Variants in SLC12A8 observed in about 807,000 individuals in gnomAD.
SLC12A8 encodes the protein solute carrier family 12 member 8.
In SLC12A8, 69 loss-of-function variants were observed where a neutral mutation model predicts 75.6. That is an observed-to-expected ratio of 0.91 (90% CI 0.75 to 1.11). The LOEUF is 1.11. SLC12A8 is among the 50% of genes most tolerant of loss of function. The probability of loss-of-function intolerance (pLI) is 0.00; values close to 1 mark genes in which losing one functional copy is unlikely to be tolerated. For synonymous variants in SLC12A8, 365 were observed against 372.8 expected, an observed-to-expected ratio of 0.98 and a Z score of 0.24; for missense variants, 877 against 896.7, an observed-to-expected ratio of 0.98 and a Z score of 0.28.
chr3:125,088,691 A>T (rs1938519206), intron 12 of SLC12A8, among the ~76,000 whole-genome samples: 1 of 152,318 alleles, frequency 6.6e-6, no homozygotes, highest in South Asian at 2.1e-4. Context: ...AACTTTGATA[A>T]ATTTTTTAAG....
chr3:125,152,995 A>C (rs868478252), intron 5 of SLC12A8, among the ~76,000 whole-genome samples: 1 of 152,206 alleles, frequency 6.6e-6, no homozygotes, highest in Admixed American at 6.5e-5. Context: ...GTGTGTGTGC[A>C]GCCAGGCGCT....
intron 2 of SLC12A8, among the ~76,000 whole-genome samples, chr3:125,205,839 C>T (rs557784571): frequency 6.6e-6 from 1 of 152,290 alleles, no homozygotes; most frequent in Admixed American, 6.5e-5. Flanking sequence ...ATGGTATAAG[C>T]TTCATGCCCT....
chr3:125,168,833 C>T (rs1236976945), intron 5 of SLC12A8, among the ~76,000 whole-genome samples: 2 of 152,156 alleles, frequency 1.3e-5, no homozygotes, highest in African/African-American at 4.8e-5. Flanking sequence ...GTCCTCACAG[C>T]CAAGCACAAG....
intron 9 of SLC12A8, among the ~76,000 whole-genome samples, chr3:125,109,215 T>A (rs1362857595): frequency 6.6e-6 from 1 of 152,160 alleles, no homozygotes; most frequent in Admixed American, 6.5e-5. Flanking sequence ...CCAGGCTCCA[T>A]CCTCAGATCT....
intron 5 of SLC12A8, among the ~76,000 whole-genome samples, chr3:125,141,519 CCTG>C (rs1014242963): frequency 2.0e-5 from 3 of 152,238 alleles, no homozygotes; most frequent in African/African-American, 7.2e-5. Flanking sequence ...CTGGGTGGCA[CCTG>C]CGGTGCCCCC....
intron 8 of SLC12A8, among the ~76,000 whole-genome samples, chr3:125,112,931 A>G (rs1262706062): frequency 6.6e-6 from 1 of 152,240 alleles, no homozygotes; most frequent in Admixed American, 6.5e-5. Flanking sequence ...GGCACAACAC[A>G]TTGTAGCCAC....
intron 13 of SLC12A8, chr3:125,088,040 A>T (rs1479378334): frequency 2.2e-6 from 1 of 451,310 alleles, no homozygotes; most frequent in Non-Finnish European, 4.0e-6. Context: ...CCCAGCAACC[A>T]GATTCTAAAT....
intron 5 of SLC12A8, among the ~76,000 whole-genome samples, chr3:125,140,024 C>T (rs1933590509): frequency 6.6e-6 from 1 of 152,212 alleles, no homozygotes; most frequent in African/African-American, 2.4e-5. Flanking sequence ...GAGGCACCTA[C>T]AACTTCCCAA....
intron 2 of SLC12A8, among the ~76,000 whole-genome samples, chr3:125,202,714 T>C (rs2107803321): frequency 6.6e-6 from 1 of 151,592 alleles, no homozygotes; most frequent in South Asian, 2.1e-4. Flanking sequence ...ATGAAAAACC[T>C]CTACAATGAG....
intron 11 of SLC12A8, 63 bp from the exon 12 acceptor site, chr3:125,091,619 A>G: frequency 9.6e-7 from 1 of 1,040,284 alleles, no homozygotes; most frequent in East Asian, 2.4e-5. Flanking sequence ...AGCAAGCCAC[A>G]AGGCTAATGT....
chr3:125,132,844 C>T (rs1253135224), intron 6 of SLC12A8, among the ~76,000 whole-genome samples: 2 of 152,056 alleles, frequency 1.3e-5, no homozygotes, highest in African/African-American at 4.8e-5. Flanking sequence ...TTGAAGATCC[C>T]CAACATTGGA....
chr3:125,153,642 A>ATTTT (rs1933983995), intron 5 of SLC12A8, among the ~76,000 whole-genome samples: 1 of 151,792 alleles, frequency 6.6e-6, no homozygotes, highest in Admixed American at 6.6e-5. Flanking sequence ...TTATTTATTT[A>ATTTT]TTTATATATT....
chr3:125,174,602 GACAA>G (rs1267292535), intron 5 of SLC12A8, among the ~76,000 whole-genome samples: 8 of 152,176 alleles, frequency 5.3e-5, no homozygotes, highest in African/African-American at 1.9e-4. Flanking sequence ...TAGGTGAATG[GACAA>G]ACAGTGCTAC....
chr3:125,111,530 A>G (rs1939186632), intron 8 of SLC12A8, among the ~76,000 whole-genome samples: 1 of 152,214 alleles, frequency 6.6e-6, no homozygotes, highest in Non-Finnish European at 1.5e-5. Context: ...TTTAGGCACA[A>G]TGGCCAGAAC....
intron 5 of SLC12A8, among the ~76,000 whole-genome samples, chr3:125,164,432 T>C (rs574689858): frequency 1.3e-5 from 2 of 152,286 alleles, no homozygotes; most frequent in African/African-American, 4.8e-5. Context: ...TGACACAGAG[T>C]TGGTGCTCCT....
Position 125,146,121 on chromosome 3 carries a change from C to T in SLC12A8, c.623-10339G>A, listed in dbSNP as rs143718603. Among the ~76,000 whole-genome samples, 581 of 152,360 alleles carry T rather than the reference C, an allele frequency of 3.8e-3. 7 individuals are homozygous for T. The highest frequency in any genetic ancestry group is 0.013 in the African/African-American group (548 of 41,582). On this transcript the variant is annotated intron_variant, in intron 5 of 13. Coordinates refer to ENST00000469902, the MANE Select transcript of SLC12A8 (RefSeq NM_024628.6). ...CTGAGATTATAGGCATGAGCCACTG[C>T]GCCTGGCCCAAAATACCTTATTGTA...
intron 5 of SLC12A8, among the ~76,000 whole-genome samples, chr3:125,137,930 C>T (rs527422233): frequency 1.8e-4 from 26 of 146,940 alleles, no homozygotes; most frequent in Non-Finnish European, 3.3e-4. Flanking sequence ...CACGCTCACA[C>T]GCTCACGCTC....
rs1362282595 is a variant in SLC12A8, at chr3:125,190,474, C to T, written c.99G>A (p.Met33Ile). The part of the protein sequence containing the change: ...PQPWWKTQLF[M>I]WEPVLFGTWD... ...AGGTCCCAAACAGCACAGGCTCCCA[C>T]ATGAACAGCTGGGTCTTCCACCAGG... The change falls in exon 3 of 14, where the codon ATG becomes ATA. Residue 33 changes from methionine to isoleucine, a missense_variant. By Grantham distance (10) the Met-to-Ile change is conservative. Coordinates refer to ENST00000469902, the MANE Select transcript of SLC12A8 (RefSeq NM_024628.6). The T allele has an allele frequency of 6.8e-6, 11 of 1,614,216 alleles. No individual in the cohort carries two copies. The highest frequency in any genetic ancestry group is 9.3e-6 in the Non-Finnish European group (11 of 1,180,030).
intron 5 of SLC12A8, among the ~76,000 whole-genome samples, chr3:125,164,937 G>A (rs1478905631): frequency 6.6e-6 from 1 of 152,220 alleles, no homozygotes; most frequent in Non-Finnish European, 1.5e-5. Context: ...GAACCCCAGG[G>A]ATGGAGGCCA....
Sources: gnomAD v4.1 joint callset for allele counts (sites outside exome capture counted in the v4.1 genomes callset) on GRCh38, gnomAD v4.1.1 for gene constraint, MANE v1.5 for transcripts, NCBI Gene and HGNC (gene_info 2026-07-23, HGNC 2026-07-21) for gene names.